ARFGAP3: variants seen among roughly 807,000 people sequenced by gnomAD.
The protein encoded by ARFGAP3 is ARF GTPase activating protein 3.
ARFGAP3 carries 72 observed loss-of-function variants against 75.0 expected under a neutral mutation model. The observed-to-expected ratio is 0.96, with a 90% CI of 0.79 to 1.17. The LOEUF (loss-of-function observed/expected upper bound fraction) is 1.17, where lower values mean the gene tolerates loss of function less well. ARFGAP3 is among the 50% of genes most tolerant of loss of function. The pLI is 0.00. For missense variants in ARFGAP3, 620 were observed against 626.6 expected, an observed-to-expected ratio of 0.99 and a Z score of 0.11; for synonymous variants, 221 against 217.9, an observed-to-expected ratio of 1.01 and a Z score of -0.13.
chr22:42,837,344 G>C (rs1043132001), intron 3 of ARFGAP3, among the ~76,000 whole-genome samples: 1 of 152,078 alleles, frequency 6.6e-6, no homozygotes, highest in African/African-American at 2.4e-5. Context: ...ACACTGGCTG[G>C]GCCCGGTGGC....
intron 11 of ARFGAP3, among the ~76,000 whole-genome samples, chr22:42,814,854 G>C (rs750593015): frequency 4.6e-5 from 7 of 152,144 alleles, no homozygotes; most frequent in Non-Finnish European, 1.0e-4. Flanking sequence ...CTCCACCTCA[G>C]CCTCCCAAGC....
chr22:42,801,887 G>C (rs770480915), intron 14 of ARFGAP3, among the ~76,000 whole-genome samples: 1 of 152,162 alleles, frequency 6.6e-6, no homozygotes, highest in Admixed American at 6.5e-5. Flanking sequence ...GTAAATACGG[G>C]TTGCGGGGCT....
At chr22:42,842,011 C>CTTTTTTTTTTTTTTTTTTTTTTTTTTTT (rs55825441) in intron 2 of ARFGAP3, among the ~76,000 whole-genome samples, 2 of 91,274 alleles carry the variant, frequency 2.2e-5, no homozygotes, top group Non-Finnish European at 4.1e-5. Flanking sequence ...CCATGCCGGG[C>CTTTTTTTTTTTTTTTTTTTTTTTTTTTT]TTTTTTTTTT....
chr22:42,850,178 G>C (rs1484502311), intron 1 of ARFGAP3, among the ~76,000 whole-genome samples: 3 of 152,062 alleles, frequency 2.0e-5, no homozygotes. Context: ...CACAGTGCTT[G>C]TTGTGGAAAG....
rs988980718 is a variant in ARFGAP3 at position 42,851,038 on chromosome 22, G to A, written c.70-3406C>T. Among the ~76,000 whole-genome samples, 3 of 152,220 alleles carry A rather than the reference G, an allele frequency of 2.0e-5. No homozygotes were observed. The East Asian group carries it at 5.8e-4, about 29-fold the overall frequency. ...GGCATCAAACAAAACGACAGACTCTGCCAAAAGGTGCTGTTCTTCCCCGTC... is the reference window on the plus strand; with the variant it reads ...GGCATCAAACAAAACGACAGACTCTACCAAAAGGTGCTGTTCTTCCCCGTC... On this transcript the variant is annotated intron_variant, in intron 1 of 15. Coordinates refer to ENST00000263245, the MANE Select transcript of ARFGAP3 (RefSeq NM_014570.5).
intron 9 of ARFGAP3, 134 bp downstream of exon 9, chr22:42,822,136 G>C: frequency 2.7e-6 from 2 of 734,814 alleles, no homozygotes; most frequent in Non-Finnish European, 4.5e-6. Context: ...TGCAATATCA[G>C]TTTTCATAAA....
chr22:42,818,980 T>G (rs1925698737), intron 9 of ARFGAP3, among the ~76,000 whole-genome samples: 1 of 151,618 alleles, frequency 6.6e-6, no homozygotes, highest in South Asian at 2.1e-4. Flanking sequence ...ATCCAGCTAA[T>G]TTTTCTATTT....
At position 42,808,660 on chromosome 22, in the gene ARFGAP3, C is replaced by T. The variant is rs1602095030; in HGVS notation, c.1320+107G>A. ...CCAGCACTTTCAGGCCAGAGGGCAT[C>T]TGGCAGCCTGAGCCCAGCTCACTCA... On this transcript the variant is annotated intron_variant, in intron 13 of 15. Coordinates refer to ENST00000263245, the MANE Select transcript of ARFGAP3 (RefSeq NM_014570.5). The T allele has an allele frequency of 4.4e-6, 4 of 908,024 alleles. No homozygotes were observed. In the East Asian group the frequency reaches 1.0e-4, roughly 23 times the overall value. The allele number at this position is 908,024 out of a possible 1,614,324, so 56.2% of individuals were successfully genotyped here. A position where few individuals can be genotyped will look rare whatever the true frequency, so the allele number is the denominator to read the frequency against.
chr22:42,823,211 A>G (rs922235965), intron 8 of ARFGAP3, among the ~76,000 whole-genome samples: 6 of 152,044 alleles, frequency 3.9e-5, no homozygotes, highest in African/African-American at 7.2e-5. Flanking sequence ...TAAAGCTCAT[A>G]TAAGTTAAGG....
intron 1 of ARFGAP3, among the ~76,000 whole-genome samples, chr22:42,856,832 C>T (rs1435120227): frequency 2.0e-5 from 3 of 151,752 alleles, no homozygotes; most frequent in South Asian, 2.1e-4. Flanking sequence ...CCGGTGCTCG[C>T]CCCCCGCCCC....
intron 14 of ARFGAP3, chr22:42,799,413 C>G (rs1198708369): frequency 5.0e-6 from 1 of 199,084 alleles, no homozygotes; most frequent in East Asian, 1.9e-4. Context: ...CTGGCACTGT[C>G]ACTTCTAGGC....
In ARFGAP3 at chr22:42,824,153, C is replaced by A. The variant is rs1052403149; in HGVS notation, c.626-451G>T. 6.1e-5 allele frequency among the ~76,000 whole-genome samples: 9 copies of A among 147,696 alleles called. No individual in the cohort carries two copies. The Admixed American group carries it at 6.2e-4, about 10-fold the overall frequency. ...CTGAGTAGTTGGGATCACAGGTGCG[C>A]ACCACCACATCTGGCTATTTTTTTT... On this transcript the variant is annotated intron_variant, in intron 7 of 15. Coordinates refer to ENST00000263245, the MANE Select transcript of ARFGAP3 (RefSeq NM_014570.5).
chr22:42,834,355 C>T, intron 4 of ARFGAP3, 30 bp from the exon 5 acceptor site: 1 of 1,607,914 alleles, frequency 6.2e-7, no homozygotes, highest in Non-Finnish European at 8.5e-7. Flanking sequence ...CAGGGCTGAG[C>T]ATTTCATCCG....
intron 5 of ARFGAP3, among the ~76,000 whole-genome samples, chr22:42,832,209 C>A (rs1324734924): frequency 2.7e-5 from 4 of 146,398 alleles, no homozygotes; most frequent in African/African-American, 7.5e-5. Flanking sequence ...AACCTGTGTA[C>A]AACTTTACAT....
chr22:42,857,037 G>T (rs1927536648), intron 1 of ARFGAP3, 77 bp downstream of exon 1: 2 of 1,415,758 alleles, frequency 1.4e-6, no homozygotes, highest in Non-Finnish European at 9.3e-7. Context: ...CCAAGCCACG[G>T]GCACTGGCGC....
intron 2 of ARFGAP3, among the ~76,000 whole-genome samples, chr22:42,846,253 G>A (rs546243124): frequency 6.6e-6 from 1 of 152,310 alleles, no homozygotes; most frequent in Admixed American, 6.5e-5. Flanking sequence ...TCTGGGGGAG[G>A]CAGCAATGAC....
At chr22:42,804,775 C>T (rs959203969) in intron 14 of ARFGAP3, among the ~76,000 whole-genome samples, 1 of 152,060 alleles carries the variant, frequency 6.6e-6, no homozygotes, top group Non-Finnish European at 1.5e-5. Flanking sequence ...CTCGGCCTCC[C>T]AAAGTGTTGG....
intron 7 of ARFGAP3, among the ~76,000 whole-genome samples, chr22:42,826,044 G>C (rs930536602): frequency 6.6e-6 from 1 of 152,166 alleles, no homozygotes; most frequent in African/African-American, 2.4e-5. Flanking sequence ...TTGTATTGTA[G>C]TAGTCACATA....
chr22:42,841,259 G>A, intron 2 of ARFGAP3: 1 of 221,480 alleles, frequency 4.5e-6, no homozygotes, highest in Non-Finnish European at 7.6e-6. Context: ...AGTGTCAGCG[G>A]GCTGCTGGAA....
Sources: gnomAD v4.1 joint callset for allele counts (sites outside exome capture counted in the v4.1 genomes callset) on GRCh38, gnomAD v4.1.1 for gene constraint, MANE v1.5 for transcripts, NCBI Gene and HGNC (gene_info 2026-07-23, HGNC 2026-07-21) for gene names.